INPP4A: variants seen among roughly 807,000 people sequenced by gnomAD.
INPP4A encodes inositol polyphosphate-4-phosphatase type I A, also known as inositol polyphosphate-4-phosphatase, type I, 107kD.
Under a neutral mutation model 119.8 loss-of-function variants are expected in INPP4A, and 33 were observed. That is an observed-to-expected ratio of 0.28 (90% CI 0.21 to 0.37). The LOEUF (loss-of-function observed/expected upper bound fraction) is 0.37, where lower values mean the gene tolerates loss of function less well. Ranked by LOEUF, INPP4A falls within the 10% of genes least tolerant of loss-of-function variation. The probability of loss-of-function intolerance (pLI) is 1.00; values close to 1 mark genes in which losing one functional copy is unlikely to be tolerated. For synonymous variants in INPP4A, 496 were observed against 500.7 expected, an observed-to-expected ratio of 0.99 and a Z score of 0.12; for missense variants, 956 against 1,289.9, an observed-to-expected ratio of 0.74 and a Z score of 3.97.
At chr2:98,516,794 A>G (rs1306169492) in intron 1 of INPP4A, among the ~76,000 whole-genome samples, 1 of 152,154 alleles carries the variant, frequency 6.6e-6, no homozygotes, top group Non-Finnish European at 1.5e-5. Flanking sequence ...GGAGGAAGAC[A>G]GTTCCCCATG....
chr2:98,549,200 G>A (rs756624738), intron 13 of INPP4A, among the ~76,000 whole-genome samples: 1 of 151,446 alleles, frequency 6.6e-6, no homozygotes, highest in Non-Finnish European at 1.5e-5. Flanking sequence ...GGGTGTTGTC[G>A]TACTCACTCT....
chr2:98,526,973 C>G (rs991478549), intron 4 of INPP4A, among the ~76,000 whole-genome samples: 1 of 152,022 alleles, frequency 6.6e-6, no homozygotes, highest in South Asian at 2.1e-4. Flanking sequence ...AGGGATTTGT[C>G]CCCCATTATC....
intron 1 of INPP4A, among the ~76,000 whole-genome samples, chr2:98,487,247 C>G (rs2105158749): frequency 6.6e-6 from 1 of 152,260 alleles, no homozygotes; most frequent in Middle Eastern, 3.4e-3. Flanking sequence ...ACCTAATTGT[C>G]TTTTTCTGTT....
At chr2:98,510,182 T>A (rs771407979) in intron 1 of INPP4A, among the ~76,000 whole-genome samples, 1 of 152,062 alleles carries the variant, frequency 6.6e-6, no homozygotes, top group Non-Finnish European at 1.5e-5. Flanking sequence ...GTCGTACTTG[T>A]GGGGAAGATA....
chr2:98,462,751 G>T (rs532027850), intron 1 of INPP4A, among the ~76,000 whole-genome samples: 1 of 151,974 alleles, frequency 6.6e-6, no homozygotes, highest in Non-Finnish European at 1.5e-5. Flanking sequence ...GAACTCCTGG[G>T]CTCAAGCAAT....
intron 14 of INPP4A, among the ~76,000 whole-genome samples, chr2:98,553,549 GCT>G (rs1017184787): frequency 6.7e-6 from 1 of 150,364 alleles, no homozygotes; most frequent in African/African-American, 2.5e-5. Flanking sequence ...ACACAAACAC[GCT>G]CTCATACACA....
intron 1 of INPP4A, among the ~76,000 whole-genome samples, chr2:98,455,537 A>G (rs1212432908): frequency 1.3e-5 from 2 of 152,112 alleles, no homozygotes; most frequent in South Asian, 2.1e-4. Flanking sequence ...TGGTGAAGTC[A>G]TGCCTGAATC....
In INPP4A at chr2:98,455,292, C is replaced by T. The variant is rs532151556; in HGVS notation, c.-166+10207C>T. On this transcript the variant is annotated intron_variant, in intron 1 of 24. Transcript: ENST00000409851. ...GGTCGAGGCTGCAGTGAGCTATGATCGCACCAGTGCACTCCAACCTGGGTG... is the reference window on the plus strand; with the variant it reads ...GGTCGAGGCTGCAGTGAGCTATGATTGCACCAGTGCACTCCAACCTGGGTG... Among the ~76,000 whole-genome samples the T allele has an allele frequency of 1.1e-4, 16 of 152,024 alleles. No homozygotes were observed. In the East Asian group the frequency reaches 2.9e-3, roughly 28 times the overall value.
intron 1 of INPP4A, among the ~76,000 whole-genome samples, chr2:98,473,762 TGA>T (rs1250038986): frequency 1.3e-5 from 2 of 152,168 alleles, no homozygotes; most frequent in African/African-American, 4.8e-5. Flanking sequence ...TTTAGTATCT[TGA>T]TTTTCCACTT....
chr2:98,464,453 G>T (rs374947912), intron 1 of INPP4A, among the ~76,000 whole-genome samples: 2 of 152,310 alleles, frequency 1.3e-5, no homozygotes, highest in East Asian at 3.9e-4. Flanking sequence ...AAAGCAGGGG[G>T]TTTAGGGGAG....
chr2:98,494,749 C>T (rs1380743821), intron 1 of INPP4A, among the ~76,000 whole-genome samples: 1 of 152,140 alleles, frequency 6.6e-6, no homozygotes, highest in East Asian at 1.9e-4. Flanking sequence ...AAACCTCAAA[C>T]TCTGACATCA....
At position 98,589,619 on chromosome 2, in the gene INPP4A, T is replaced by C. The variant is rs556505368; in HGVS notation, c.*2011T>C. On this transcript the variant is annotated 3_prime_UTR_variant, in exon 25 of 25. Coordinates refer to ENST00000409851, the MANE Select transcript of INPP4A (RefSeq NM_001134225.2). The stretch of plus-strand genomic sequence containing the variant: ...AAACTGTAAGACTTGGCAAATGCTA[T>C]AGAAAAGGTTCAGGTTTCAGTATTC... 1.5e-4 allele frequency: 26 copies of C among 179,176 alleles called. No homozygotes were observed. In the Admixed American group the frequency reaches 1.5e-3, roughly 10 times the overall value. The allele number at this position is 179,176 out of a possible 1,614,324, so 11.1% of individuals were successfully genotyped here. A position where few individuals can be genotyped will look rare whatever the true frequency, so the allele number is the denominator to read the frequency against.
In INPP4A at chr2:98,593,296, AT is replaced by A. The variant is rs1027665722; in HGVS notation, c.*5689del. The A allele has an allele frequency of 4.8e-4, 74 of 152,584 alleles. No individual in the cohort carries two copies. The highest frequency in any genetic ancestry group is 1.8e-3 in the African/African-American group (73 of 41,586). The allele number at this position is 152,584 out of a possible 1,614,324, so 9.5% of individuals were successfully genotyped here. ...GCTCCAAAGAGGATGCCTGTGTTAG[AT>A]GGATGTAGACAGACACAGCACTTCA... On this transcript the variant is annotated 3_prime_UTR_variant, in exon 25 of 25. Transcript: ENST00000409851.
At chr2:98,579,583 G>T (rs1698973037) in intron 24 of INPP4A, among the ~76,000 whole-genome samples, 1 of 152,262 alleles carries the variant, frequency 6.6e-6, no homozygotes, top group African/African-American at 2.4e-5. Flanking sequence ...GAGTGCACGA[G>T]GCACTGCCCA....
rs3769709 is a variant in INPP4A, at chr2:98,570,970, A to T, written c.2519-1845A>T. Among the ~76,000 whole-genome samples the T allele has an allele frequency of 0.23, 35,070 of 152,016 alleles. 4,230 individuals carry two copies. The highest frequency in any genetic ancestry group is 0.35 in the Middle Eastern group (102 of 294). On this transcript the variant is annotated intron_variant, in intron 22 of 24. Transcript: ENST00000409851. The surrounding 1 kb of genome is among the most constrained non-coding windows in gnomAD (Gnocchi z 4.3). ...AGAGTGTGGTGGGCAGGACCTGGGC[A>T]TTAGGGTTTCAGAAACTCCCCAGGT... is the stretch of plus-strand genomic sequence containing the variant.
In INPP4A at chr2:98,463,351, T is replaced by A. The variant is rs1263629840; in HGVS notation, c.-166+18266T>A. 2.6e-5 allele frequency among the ~76,000 whole-genome samples: 4 copies of A among 152,210 alleles called. No individual in the cohort carries two copies. In the South Asian group the frequency reaches 8.3e-4, roughly 32 times the overall value. On this transcript the variant is annotated intron_variant, in intron 1 of 24. Coordinates refer to ENST00000409851, the MANE Select transcript of INPP4A (RefSeq NM_001134225.2). ...AACACACAGTGCTTGTGTGGAAGTC[T>A]ACATTTCAGCTGTGATGGTGTCTCG... is the stretch of plus-strand genomic sequence containing the variant.
intron 1 of INPP4A, among the ~76,000 whole-genome samples, chr2:98,489,758 A>T (rs1680316286): frequency 6.6e-6 from 1 of 151,974 alleles, no homozygotes; most frequent in Non-Finnish European, 1.5e-5. Context: ...AACTATGGAG[A>T]GGTAATTTGT....
chr2:98,491,412 T>G (rs931025089), intron 1 of INPP4A, among the ~76,000 whole-genome samples: 11 of 152,218 alleles, frequency 7.2e-5, no homozygotes, highest in African/African-American at 2.7e-4. Flanking sequence ...CTCTTCTTTT[T>G]AAAGCATTTA....
intron 11 of INPP4A, among the ~76,000 whole-genome samples, chr2:98,545,688 C>T (rs1307133798): frequency 1.3e-5 from 2 of 152,146 alleles, no homozygotes; most frequent in Non-Finnish European, 2.9e-5. Context: ...TCACGGAAGG[C>T]GCAGCATCGT....
Sources: gnomAD v4.1 joint callset for allele counts (sites outside exome capture counted in the v4.1 genomes callset) on GRCh38, gnomAD v4.1.1 for gene constraint, Gnocchi (gnomAD v3.1) non-coding constraint, MANE v1.5 for transcripts, NCBI Gene and HGNC (gene_info 2026-07-23, HGNC 2026-07-21) for gene names.